KIF27: variants seen among roughly 807,000 people sequenced by gnomAD.
KIF27 encodes the protein kinesin family member 27.
KIF27 carries 84 observed loss-of-function variants against 141.8 expected under a neutral mutation model. The ratio of observed to expected loss-of-function variants is 0.59; its 90% CI spans 0.50 to 0.71. The LOEUF is 0.71. KIF27 is among the 30% of genes least tolerant of loss of function. The pLI, the probability that KIF27 is intolerant of heterozygous loss-of-function variation, is 0.00. For missense variants in KIF27, 1,306 were observed against 1,628.4 expected (o/e 0.80, Z 3.41); for synonymous variants, 471 against 569.5 (o/e 0.83, Z 2.46).
chr9:83,913,490 T>C (rs372570379), intron 2 of KIF27, among the ~76,000 whole-genome samples: 3 of 152,162 alleles, frequency 2.0e-5, no homozygotes, highest in Admixed American at 6.5e-5. Flanking sequence ...CAGGCTGGAA[T>C]GCAGTGGCAC....
At chr9:83,912,044 T>C (rs1280133344) in intron 2 of KIF27, among the ~76,000 whole-genome samples, 3 of 152,076 alleles carry the variant, frequency 2.0e-5, no homozygotes, top group Admixed American at 6.6e-5. Context: ...AATGGTAAGT[T>C]TGGTGATCTT....
In KIF27 at chr9:83,867,902, G is replaced by A; in HGVS notation, c.2758-42C>T. 7 of 1,525,356 alleles carry A rather than the reference G, an allele frequency of 4.6e-6. No homozygotes were observed. In the South Asian group the frequency reaches 9.0e-5, roughly 20 times the overall value. The allele number at this position is 1,525,356 out of a possible 1,614,324, so 94.5% of individuals were successfully genotyped here. On this transcript the variant is annotated intron_variant, in intron 12 of 17. Coordinates refer to ENST00000297814, the MANE Select transcript of KIF27 (RefSeq NM_017576.4). The stretch of plus-strand genomic sequence containing the variant: ...AAAAAAGTTACTTGTTTTTCCTTCT[G>A]CCATAAAAATTATATGGTAATAATA...
chr9:83,848,123 C>CATATATATGATATATA lies in KIF27; in HGVS notation c.3556+1975_3556+1976insTATATATCATATATAT, dbSNP rs1947673875. 5.8e-4 allele frequency among the ~76,000 whole-genome samples: 21 copies of CATATATATGATATATA among 36,394 alleles called. 7 individuals are homozygous for CATATATATGATATATA. Among genetic ancestry groups the CATATATATGATATATA allele is most frequent in the Non-Finnish European group, 7.9e-4 (17 of 21,470 alleles). 23.9% of individuals were successfully genotyped at this position (36,394 alleles called of 152,430 possible). On this transcript the variant is annotated intron_variant, in intron 16 of 17. Transcript: ENST00000297814. ...ATATGATATCTCATATCTGATATATCTGATATCTCATATATGATATATCTG... is the reference window on the plus strand; with the variant it reads ...ATATGATATCTCATATCTGATATATCATATATATGATATATATGATATCTCATATATGATATATCTG...
chr9:83,912,563 T>C (rs1955277556), intron 2 of KIF27, among the ~76,000 whole-genome samples: 1 of 152,240 alleles, frequency 6.6e-6, no homozygotes, highest in African/African-American at 2.4e-5. Flanking sequence ...CCCACATCTA[T>C]AGATAACAAA....
At chr9:83,912,538 A>G (rs1955274078) in intron 2 of KIF27, among the ~76,000 whole-genome samples, 1 of 152,224 alleles carries the variant, frequency 6.6e-6, no homozygotes, top group Admixed American at 6.5e-5. Context: ...TTGACCAGAA[A>G]TAGTTCAGTT....
At chr9:83,871,212 T>C (rs1950765138) in intron 11 of KIF27, among the ~76,000 whole-genome samples, 1 of 152,238 alleles carries the variant, frequency 6.6e-6, no homozygotes, top group Non-Finnish European at 1.5e-5. Context: ...TAAGTCACCA[T>C]GCTCAGCCTT....
intron 17 of KIF27, among the ~76,000 whole-genome samples, chr9:83,838,972 A>G (rs1245050677): frequency 6.6e-6 from 1 of 152,216 alleles, no homozygotes; most frequent in African/African-American, 2.4e-5. Context: ...ACTCTGCAGT[A>G]CATCAGAGTC....
chr9:83,853,220 A>T (rs1948811280), intron 15 of KIF27, among the ~76,000 whole-genome samples: 1 of 152,116 alleles, frequency 6.6e-6, no homozygotes, highest in African/African-American at 2.4e-5. Context: ...ATGATGAGAA[A>T]GTACAGATTC....
intron 2 of KIF27, among the ~76,000 whole-genome samples, chr9:83,910,251 T>C (rs1243833393): frequency 6.6e-6 from 1 of 152,174 alleles, no homozygotes; most frequent in Middle Eastern, 3.2e-3. Context: ...AGCCACGTTA[T>C]AAAAATGTTG....
At chr9:83,902,672 G>A (rs1001147663) in intron 4 of KIF27, among the ~76,000 whole-genome samples, 3 of 151,868 alleles carry the variant, frequency 2.0e-5, no homozygotes, top group African/African-American at 4.8e-5. Flanking sequence ...TTTTATTTCC[G>A]AAACAAGTTT....
chr9:83,845,420 A>G (rs1468289203), intron 16 of KIF27, among the ~76,000 whole-genome samples: 5 of 152,200 alleles, frequency 3.3e-5, no homozygotes, highest in Non-Finnish European at 5.9e-5. Flanking sequence ...TCCTGAAGGC[A>G]TAAGTTACAT....
intron 13 of KIF27, among the ~76,000 whole-genome samples, chr9:83,866,658 A>G (rs1950375954): frequency 1.3e-5 from 2 of 152,140 alleles, no homozygotes; most frequent in Admixed American, 1.3e-4. Context: ...TGGGCGGATC[A>G]CAAGGTCAGA....
At chr9:83,901,000 C>G (rs1248149438) in intron 4 of KIF27, among the ~76,000 whole-genome samples, 1 of 152,008 alleles carries the variant, frequency 6.6e-6, no homozygotes, top group African/African-American at 2.4e-5. Context: ...ACTCTGCCAC[C>G]CAGGCTGGAG....
At chr9:83,898,672 C>A (rs1254288543) in intron 5 of KIF27, 2 of 152,074 alleles carry the variant, frequency 1.3e-5, no homozygotes, top group African/African-American at 2.4e-5. Context: ...ACAATTAGGG[C>A]CAGGCATGGT....
chr9:83,848,203 G>T (rs183137576), intron 16 of KIF27, among the ~76,000 whole-genome samples: 940 of 29,692 alleles, frequency 0.032, 135 homozygotes, highest in Middle Eastern at 0.1. Context: ...TGATATATCA[G>T]ATATGATATA....
At chr9:83,865,930 AAAT>A (rs1950319008) in intron 13 of KIF27, among the ~76,000 whole-genome samples, 1 of 152,114 alleles carries the variant, frequency 6.6e-6, no homozygotes, top group Admixed American at 6.6e-5. Flanking sequence ...ATGTTTCAGA[AAAT>A]ATGCCAATCT....
chr9:83,869,464 G>A (rs988918845), intron 12 of KIF27, among the ~76,000 whole-genome samples: 1 of 152,106 alleles, frequency 6.6e-6, no homozygotes, highest in African/African-American at 2.4e-5. Context: ...AGCTGGGCGC[G>A]GTGGCTCACA....
intron 5 of KIF27, among the ~76,000 whole-genome samples, chr9:83,895,261 C>T (rs1351230046): frequency 1.6e-5 from 2 of 126,490 alleles, no homozygotes; most frequent in Admixed American, 1.8e-4. Flanking sequence ...GACTCTGCCT[C>T]GAAAAAAAAA....
intron 3 of KIF27, among the ~76,000 whole-genome samples, chr9:83,907,468 A>G (rs1249846901): frequency 2.0e-5 from 3 of 152,056 alleles, no homozygotes; most frequent in Non-Finnish European, 4.4e-5. Context: ...AAAATACTCT[A>G]TGATGAACAT....
Sources: allele counts gnomAD v4.1 joint callset (sites outside exome capture counted in the v4.1 genomes callset), GRCh38; gene constraint gnomAD v4.1.1; transcripts MANE v1.5; gene names NCBI Gene and HGNC (gene_info 2026-07-23, HGNC 2026-07-21).